TTLL5: variants seen among roughly 807,000 people sequenced by gnomAD.
The protein encoded by TTLL5 is tubulin tyrosine ligase like 5.
TTLL5 carries 132 observed loss-of-function variants against 168.4 expected under a neutral mutation model. The observed-to-expected ratio is 0.78, with a 90% CI of 0.68 to 0.91. TTLL5 has a LOEUF of 0.91. Ranked by LOEUF, TTLL5 falls within the 40% of genes least tolerant of loss-of-function variation. TTLL5 has a pLI of 0.00. For synonymous variants in TTLL5, 546 were observed against 558.6 expected (o/e 0.98, Z 0.32); for missense variants, 1,545 against 1,581.5 (o/e 0.98, Z 0.39).
At chr14:75,874,320 C>T (rs919536360) in intron 29 of TTLL5, among the ~76,000 whole-genome samples, 1 of 152,130 alleles carries the variant, frequency 6.6e-6, no homozygotes, top group African/African-American at 2.4e-5. Flanking sequence ...TCTCGATTTC[C>T]TGACTTTGTG....
In TTLL5 at chr14:75,707,201, T is replaced by C; in HGVS notation, c.655+114T>C. On this transcript the variant is annotated intron_variant, in intron 8 of 31. Transcript: ENST00000298832. ...TTATACTGTTGTGAAATTCTTGACA[T>C]GTGTGGCTCCAGAAAGGCAGCAGGT... 3 of 807,722 alleles carry C rather than the reference T, an allele frequency of 3.7e-6. No homozygotes were observed. In the South Asian group the frequency reaches 5.1e-5, roughly 14 times the overall value. 50.0% of individuals were successfully genotyped at this position (807,722 alleles called of 1,614,324 possible). A position where few individuals can be genotyped will look rare whatever the true frequency, so the allele number is the denominator to read the frequency against.
At chr14:75,729,755 G>T (rs998874392) in intron 12 of TTLL5, among the ~76,000 whole-genome samples, 7 of 152,170 alleles carry the variant, frequency 4.6e-5, no homozygotes, top group Non-Finnish European at 1.0e-4. Context: ...TGTAGAGGTT[G>T]TTTAGCAGTA....
chr14:75,694,760 C>T (rs139064019), intron 6 of TTLL5, among the ~76,000 whole-genome samples: 15 of 152,302 alleles, frequency 9.8e-5, no homozygotes, highest in Middle Eastern at 3.4e-3. Flanking sequence ...TAATTTCTTA[C>T]GCCTATCTTT....
Position 75,933,093 on chromosome 14 carries a change from G to T in TTLL5, c.3824-21331G>T, listed in dbSNP as rs530942824. On this transcript the variant is annotated intron_variant, in intron 31 of 31. Transcript: ENST00000298832. Reference sequence around the variant, plus strand: ...TAGTTAATACAGTTTTTTATTGATAGGTGAAGTTGTTATTGTATTATTGTC... The same window carrying T: ...TAGTTAATACAGTTTTTTATTGATATGTGAAGTTGTTATTGTATTATTGTC... Among the ~76,000 whole-genome samples the T allele has an allele frequency of 1.1e-4, 16 of 152,288 alleles. No homozygotes were observed. In the South Asian group the frequency reaches 3.3e-3, roughly 32 times the overall value.
intron 3 of TTLL5, among the ~76,000 whole-genome samples, chr14:75,677,797 ATT>A (rs1389610664): frequency 7.0e-6 from 1 of 143,038 alleles, no homozygotes. Flanking sequence ...AAAAAAAAAA[ATT>A]TTTTTTTTTT....
At chr14:75,702,821 A>G (rs1230572107) in intron 7 of TTLL5, among the ~76,000 whole-genome samples, 1 of 151,990 alleles carries the variant, frequency 6.6e-6, no homozygotes, top group Non-Finnish European at 1.5e-5. Context: ...AATGAGTCTG[A>G]TTCTTTTAGG....
In TTLL5 at chr14:75,783,000, T is replaced by C. The variant is rs184009570; in HGVS notation, c.2603-147T>C. 1.2e-4 allele frequency: 113 copies of C among 939,038 alleles called. No individual in the cohort carries two copies. The East Asian group carries it at 2.6e-3, about 22-fold the overall frequency. 58.2% of individuals were successfully genotyped at this position (939,038 alleles called of 1,614,324 possible). ...TAGGCAAAAATCATTAAGTTTATGA[T>C]GAACACTCATTAAAGTCTGTATTTT... On this transcript the variant is annotated intron_variant, in intron 25 of 31. Coordinates refer to ENST00000298832, the MANE Select transcript of TTLL5 (RefSeq NM_015072.5).
At chr14:75,946,637 G>T (rs1356959394) in intron 31 of TTLL5, among the ~76,000 whole-genome samples, 2 of 152,210 alleles carry the variant, frequency 1.3e-5, no homozygotes, top group Non-Finnish European at 2.9e-5. Context: ...CTAGGCACAA[G>T]CCGTGGAGCA....
intron 28 of TTLL5, among the ~76,000 whole-genome samples, chr14:75,846,821 A>G (rs899961606): frequency 4.0e-5 from 6 of 151,162 alleles, no homozygotes; most frequent in Non-Finnish European, 8.8e-5. Context: ...AAGAATTACA[A>G]GAGATAATGA....
chr14:75,886,913 T>G, intron 30 of TTLL5: 1 of 1,446,484 alleles, frequency 6.9e-7, no homozygotes. Flanking sequence ...AAACTCAGAC[T>G]GAATGAATTT....
At chr14:75,934,859 C>G (rs1248062127) in intron 31 of TTLL5, among the ~76,000 whole-genome samples, 2 of 152,156 alleles carry the variant, frequency 1.3e-5, no homozygotes, top group Non-Finnish European at 2.9e-5. Context: ...AGACTGGGTT[C>G]CGGGTGAGCA....
chr14:75,809,524 G>A (rs1190788372), intron 27 of TTLL5, among the ~76,000 whole-genome samples: 1 of 152,188 alleles, frequency 6.6e-6, no homozygotes, highest in Non-Finnish European at 1.5e-5. Context: ...TCAAGTCAGA[G>A]TAATTGGGAT....
At chr14:75,779,482 T>C in intron 23 of TTLL5, 93 bp from the exon 24 acceptor site, 3 of 1,547,050 alleles carry the variant, frequency 1.9e-6, no homozygotes, top group Non-Finnish European at 2.6e-6. Flanking sequence ...CATTTTTCCC[T>C]TTTCCAGCTT....
chr14:75,828,449 C>T (rs1895359486), intron 28 of TTLL5, among the ~76,000 whole-genome samples: 1 of 152,168 alleles, frequency 6.6e-6, no homozygotes, highest in African/African-American at 2.4e-5. Context: ...TTTTTATTCT[C>T]TAGCTTACTT....
chr14:75,755,417 C>A (rs1386128594), intron 18 of TTLL5, among the ~76,000 whole-genome samples: 1 of 151,996 alleles, frequency 6.6e-6, no homozygotes, highest in Non-Finnish European at 1.5e-5. Context: ...TTTATACATC[C>A]ATATTCTTAC....
At chr14:75,895,855 C>T (rs1453539850) in intron 30 of TTLL5, among the ~76,000 whole-genome samples, 2 of 152,116 alleles carry the variant, frequency 1.3e-5, no homozygotes, top group Non-Finnish European at 2.9e-5. Flanking sequence ...CATTAGAGAA[C>T]AGTGCTTCCA....
In TTLL5 at chr14:75,802,627, A is replaced by G. The variant is rs564899201; in HGVS notation, c.3171+9527A>G. On this transcript the variant is annotated intron_variant, in intron 27 of 31. Transcript: ENST00000298832. ...GTATGTATTTAAAAAACATTTTGCT[A>G]GGCTCTTAAGAGTCTTCCAGGCTTT... Among the ~76,000 whole-genome samples the G allele has an allele frequency of 5.9e-5, 9 of 152,330 alleles. No individual in the cohort carries two copies. The South Asian group carries it at 1.9e-3, about 32-fold the overall frequency.
chr14:75,928,342 C>CAG (rs2034146372), intron 31 of TTLL5, among the ~76,000 whole-genome samples: 1 of 81,970 alleles, frequency 1.2e-5, no homozygotes, highest in African/African-American at 4.7e-5. Context: ...ATGACAAAAA[C>CAG]ATATATATAT....
intron 28 of TTLL5, among the ~76,000 whole-genome samples, chr14:75,846,792 G>GAAAAAAAAA (rs5809732): frequency 1.0e-5 from 1 of 99,224 alleles, no homozygotes; most frequent in Non-Finnish European, 2.0e-5. Context: ...CTCCATCTCA[G>GAAAAAAAAA]AAAAAAAAAA....
Sources: allele counts gnomAD v4.1 joint callset (sites outside exome capture counted in the v4.1 genomes callset), GRCh38; gene constraint gnomAD v4.1.1; transcripts MANE v1.5; gene names NCBI Gene and HGNC (gene_info 2026-07-23, HGNC 2026-07-21).